Variants in DMGDH observed in about 807,000 individuals in gnomAD.
DMGDH encodes dimethylglycine dehydrogenase, mitochondrial.
In DMGDH, 76 loss-of-function variants were observed where a neutral mutation model predicts 95.2. The observed-to-expected ratio is 0.80, with a 90% CI of 0.66 to 0.97. The LOEUF is 0.97. Ranked by LOEUF, DMGDH falls within the 50% of genes least tolerant of loss-of-function variation. The pLI is 0.00. For synonymous variants in DMGDH, 345 were observed against 377.6 expected (o/e 0.91, Z 1.00); for missense variants, 987 against 1,055.0 (o/e 0.94, Z 0.89).
rs754964288 is a variant in DMGDH at position 78,998,126 on chromosome 5, T to A, written c.2557A>T (p.Thr853Ser). Reference protein sequence around the residue: ...IQEPLVLTEPTRNRLQKKGGK... With the variant: ...IQEPLVLTEPSRNRLQKKGGK... ...CCTTTTTTCTGAAGCCGGTTTCTGGTTGGTTCGGTCAATACCAAAGGTTCT... is the reference window on the plus strand; with the variant it reads ...CCTTTTTTCTGAAGCCGGTTTCTGGATGGTTCGGTCAATACCAAAGGTTCT... The change falls in exon 16 of 16, where the codon ACC becomes TCC. Residue 853 changes from threonine (T) to serine (S), a missense_variant. Physicochemically the swap from Thr to Ser is moderately conservative, Grantham distance 58. Transcript: ENST00000255189. 9.3e-6 allele frequency: 15 copies of A among 1,614,120 alleles called. No homozygotes were observed. The East Asian group carries it at 2.9e-4, about 31-fold the overall frequency.
At chr5:79,069,428 A>C in intron 1 of DMGDH, 92 bp downstream of exon 1, 3 of 613,904 alleles carry the variant, frequency 4.9e-6, no homozygotes, top group Non-Finnish European at 4.7e-6. Context: ...CTTGGAGGCC[A>C]GAGCGCTCCT....
At chr5:79,036,315 A>G (rs1754347107) in intron 7 of DMGDH, among the ~76,000 whole-genome samples, 3 of 152,228 alleles carry the variant, frequency 2.0e-5, no homozygotes, top group Non-Finnish European at 4.4e-5. Flanking sequence ...TTCTGTCTCT[A>G]GCATTAATCT....
Position 79,032,695 on chromosome 5 carries a change from A to C in DMGDH, c.1509T>G (p.Thr503=). 6.2e-7 allele frequency: 1 copy of C among 1,614,100 alleles called. No individual in the cohort carries two copies. Among genetic ancestry groups the C allele is most frequent in the Non-Finnish European group, 8.5e-7 (1 of 1,180,026 alleles). The change falls in exon 9 of 16, where the codon ACT becomes ACG. Residue 503 remains threonine, a synonymous_variant. Transcript: ENST00000255189. ...PHWFYKPGQD[T]QYRPSFRRTN... is the part of the protein sequence containing the mutation. ...TAAAGTCCTTCTCCCACCTGTACTG[A>C]GTGTCCTGGCCTGGTTTGTAGAACC... is the stretch of plus-strand genomic sequence containing the variant.
intron 14 of DMGDH, among the ~76,000 whole-genome samples, chr5:79,008,056 CA>C (rs1172939750): frequency 6.6e-6 from 1 of 152,146 alleles, no homozygotes; most frequent in African/African-American, 2.4e-5. Context: ...TATCAATTAG[CA>C]ATACAAATTT....
intron 2 of DMGDH, among the ~76,000 whole-genome samples, chr5:79,060,744 C>T (rs1192910792): frequency 6.6e-6 from 1 of 151,324 alleles, no homozygotes; most frequent in Admixed American, 6.6e-5. Context: ...CATGGTGAAA[C>T]CTCATCTCTA....
chr5:79,049,727 G>A (rs929903898), intron 5 of DMGDH, among the ~76,000 whole-genome samples: 1 of 152,170 alleles, frequency 6.6e-6, no homozygotes. Context: ...GATGGAGACT[G>A]GAGGGAAAGT....
intron 10 of DMGDH, 128 bp downstream of exon 10, chr5:79,030,705 T>C (rs2112626538): frequency 1.1e-6 from 1 of 911,632 alleles, no homozygotes; most frequent in Non-Finnish European, 1.7e-6. Flanking sequence ...TGTATACTTG[T>C]ATACTTTTGG....
intron 9 of DMGDH, among the ~76,000 whole-genome samples, chr5:79,032,432 C>G (rs898834110): frequency 4.6e-5 from 7 of 152,326 alleles, no homozygotes; most frequent in African/African-American, 1.7e-4. Flanking sequence ...TTCTTCCGAG[C>G]ATCTGGTAAA....
At chr5:79,014,621 T>C (rs1753697193) in intron 14 of DMGDH, among the ~76,000 whole-genome samples, 1 of 152,184 alleles carries the variant, frequency 6.6e-6, no homozygotes, top group South Asian at 2.1e-4. Context: ...CATGTATAGT[T>C]CCTTTACTCT....
intron 2 of DMGDH, among the ~76,000 whole-genome samples, chr5:79,056,170 G>A (rs554260885): frequency 1.3e-5 from 2 of 152,264 alleles, no homozygotes; most frequent in Non-Finnish European, 2.9e-5. Context: ...AAGTTAACAT[G>A]GATAGCGTTG....
At chr5:79,003,908 C>T (rs922561617) in intron 15 of DMGDH, among the ~76,000 whole-genome samples, 2 of 151,940 alleles carry the variant, frequency 1.3e-5, no homozygotes, top group African/African-American at 4.8e-5. Context: ...GATCACGCCA[C>T]TGCACTCCAG....
chr5:79,046,994 T>A (rs1370853272), intron 5 of DMGDH, among the ~76,000 whole-genome samples: 1 of 152,220 alleles, frequency 6.6e-6, no homozygotes, highest in Admixed American at 6.5e-5. Context: ...AAATATCTTA[T>A]CACTATATTA....
chr5:79,021,780 G>T, intron 14 of DMGDH: 1 of 1,195,768 alleles, frequency 8.4e-7, no homozygotes. Flanking sequence ...ACCAGAGAGA[G>T]AAATTCTTGG....
At chr5:79,028,980 ATTAAT>A (rs976554940) in intron 11 of DMGDH, among the ~76,000 whole-genome samples, 5 of 152,226 alleles carry the variant, frequency 3.3e-5, no homozygotes, top group African/African-American at 1.2e-4. Flanking sequence ...GCCTTGCAAA[ATTAAT>A]TTAAACCCAA....
intron 5 of DMGDH, among the ~76,000 whole-genome samples, chr5:79,048,800 C>T (rs989219517): frequency 7.9e-5 from 12 of 151,854 alleles, no homozygotes; most frequent in Admixed American, 3.9e-4. Context: ...CCCCTCCACA[C>T]CTCCTGTGGA....
intron 14 of DMGDH, among the ~76,000 whole-genome samples, chr5:79,008,736 G>A (rs796070669): frequency 6.6e-6 from 1 of 152,164 alleles, no homozygotes; most frequent in East Asian, 1.9e-4. Flanking sequence ...CAGGAAAGGT[G>A]GGGGGAGAGT....
At chr5:79,033,885 T>G (rs115222533) in intron 7 of DMGDH, among the ~76,000 whole-genome samples, 2,117 of 152,254 alleles carry the variant, frequency 0.014, 50 homozygotes, top group African/African-American at 0.048. Context: ...TGAGCCATAT[T>G]CGCACCACTG....
chr5:79,016,641 C>T (rs905340101), intron 14 of DMGDH, among the ~76,000 whole-genome samples: 5 of 152,150 alleles, frequency 3.3e-5, no homozygotes, highest in African/African-American at 1.2e-4. Context: ...CTTGAATTGA[C>T]CTGTAGATAA....
rs541550579 is a variant in DMGDH, at chr5:79,026,349, C to A, written c.2190+75G>T. 6.4e-6 allele frequency: 10 copies of A among 1,574,516 alleles called. No homozygotes were observed. The Admixed American group carries it at 1.7e-4, about 26-fold the overall frequency. On this transcript the variant is annotated intron_variant, in intron 13 of 15. Transcript: ENST00000255189. ...CTTACAGCCAAAACCAATGTTATTG[C>A]AGTTCAAACCAGCCCTTATATAAAA...
Sources: gnomAD v4.1 joint callset for allele counts (sites outside exome capture counted in the v4.1 genomes callset) on GRCh38, gnomAD v4.1.1 for gene constraint, MANE v1.5 for transcripts, NCBI Gene and HGNC (gene_info 2026-07-23, HGNC 2026-07-21) for gene names.